The following ILKAP variants were observed in gnomAD, a reference collection of about 807,000 sequenced individuals.
ILKAP encodes ILK associated serine/threonine phosphatase.
In ILKAP, 11 loss-of-function variants were observed where a neutral mutation model predicts 49.1. The ratio of observed to expected loss-of-function variants is 0.22; its 90% confidence interval spans 0.14 to 0.37. ILKAP has a LOEUF of 0.37. Among genes scored for constraint, ILKAP ranks in the 10% least tolerant of loss-of-function variants. The pLI, the probability that ILKAP is intolerant of heterozygous loss-of-function variation, is 1.00. For synonymous variants in ILKAP, 186 were observed against 192.8 expected, an observed-to-expected ratio of 0.96 and a Z score of 0.29; for missense variants, 363 against 510.8, an observed-to-expected ratio of 0.71 and a Z score of 2.79.
rs1039695666 is a variant in ILKAP at position 238,192,779 on chromosome 2, C to T, written c.178+1496G>A. 1.1e-4 allele frequency among the ~76,000 whole-genome samples: 17 copies of T among 151,408 alleles called. 1 individual carries two copies. Among genetic ancestry groups the T allele is most frequent in the Non-Finnish European group, 1.5e-4 (10 of 67,962 alleles). Reference sequence around the variant, plus strand: ...CCTGTAATCTCAGCACTTTGGGAGGCTGAGGCGGACAGATCACAAGGTCAG... The same window carrying T: ...CCTGTAATCTCAGCACTTTGGGAGGTTGAGGCGGACAGATCACAAGGTCAG... On this transcript the variant is annotated intron_variant, in intron 3 of 11. Transcript: ENST00000254654.
At chr2:238,183,471 C>G (rs1030926830) in intron 8 of ILKAP, among the ~76,000 whole-genome samples, 182 bp downstream of exon 8, 16 of 152,192 alleles carry the variant, frequency 1.1e-4, no homozygotes, top group African/African-American at 3.6e-4. Flanking sequence ...AACAAACAGC[C>G]TCTAGCTGAG....
chr2:238,173,179 G>T (rs532124179), intron 10 of ILKAP, among the ~76,000 whole-genome samples: 1 of 152,080 alleles, frequency 6.6e-6, no homozygotes, highest in African/African-American at 2.4e-5. Context: ...TCCCTCAAGC[G>T]CCTGTCTGGC....
At chr2:238,190,653 A>G (rs966246465) in intron 3 of ILKAP, among the ~76,000 whole-genome samples, 7 of 152,188 alleles carry the variant, frequency 4.6e-5, no homozygotes, top group Admixed American at 6.5e-5. Context: ...ACAAGTAGGA[A>G]GAGCATTTGT....
At chr2:238,197,653 T>A (rs932664639) in intron 1 of ILKAP, among the ~76,000 whole-genome samples, 1 of 152,196 alleles carries the variant, frequency 6.6e-6, no homozygotes, top group Non-Finnish European at 1.5e-5. Flanking sequence ...CTCCTCTGGC[T>A]ACAATTCAGT....
In ILKAP at chr2:238,170,528, G is replaced by A. The variant is rs1026089980; in HGVS notation, c.*8C>T. 1.7e-5 allele frequency: 27 copies of A among 1,583,530 alleles called. No homozygotes were observed. The highest frequency in any genetic ancestry group is 1.9e-5 in the Non-Finnish European group (22 of 1,159,782). On this transcript the variant is annotated 3_prime_UTR_variant, in exon 12 of 12. Transcript: ENST00000254654. ...ATACCATGCGTGCTCCTGGCCGCGCGCCACCCCTCAGTGCCCTATCCGCAC... is the reference window on the plus strand; with the variant it reads ...ATACCATGCGTGCTCCTGGCCGCGCACCACCCCTCAGTGCCCTATCCGCAC...
At chr2:238,190,859 T>C (rs1334856567) in intron 3 of ILKAP, among the ~76,000 whole-genome samples, 1 of 112,244 alleles carries the variant, frequency 8.9e-6, no homozygotes, top group Non-Finnish European at 1.7e-5. Context: ...CTGGGCAAAG[T>C]AGTAAGACGT....
intron 10 of ILKAP, 133 bp downstream of exon 10, chr2:238,173,401 G>A: frequency 1.7e-6 from 2 of 1,189,514 alleles, no homozygotes; most frequent in Admixed American, 2.5e-5. Context: ...ACCACATTTT[G>A]TTTATCTCTG....
At chr2:238,170,919 C>T (rs1199204927) in intron 11 of ILKAP, 24 bp downstream of exon 11, 8 of 1,601,694 alleles carry the variant, frequency 5.0e-6, no homozygotes, top group South Asian at 1.1e-5. Context: ...GGGACAACCA[C>T]CACCCCCGTG....
Position 238,170,643 on chromosome 2 carries a change from C to T in ILKAP, c.1072G>A (p.Ala358Thr), listed in dbSNP as rs753364697. Residue 358 changes from alanine to threonine, a missense_variant, in exon 12 of 12, where the codon GCA becomes ACA. Around this residue, in one of 3 missense-constraint regions of ILKAP, gnomAD observed 83 missense variants for 87.5 expected, o/e 0.95. Coordinates refer to ENST00000254654, the MANE Select transcript of ILKAP (RefSeq NM_030768.3). Reference sequence around the variant, plus strand: ...GCTGCTTCGTAGCGGGCGTCGGCTGCGGACTTCCCTTCCCGGGTCTGGATC... The same window carrying T: ...GCTGCTTCGTAGCGGGCGTCGGCTGTGGACTTCCCTTCCCGGGTCTGGATC... Reference protein sequence around the residue: ...EKIQTREGKSAADARYEAACN... With the variant: ...EKIQTREGKSTADARYEAACN... The T allele has an allele frequency of 1.1e-5, 17 of 1,599,750 alleles. No individual in the cohort carries two copies. The highest frequency in any genetic ancestry group is 6.7e-5 in the East Asian group (3 of 44,526).
At chr2:238,190,350 C>T (rs1422825424) in intron 3 of ILKAP, among the ~76,000 whole-genome samples, 1 of 152,108 alleles carries the variant, frequency 6.6e-6, no homozygotes, top group Non-Finnish European at 1.5e-5. Flanking sequence ...ATCCTAATCA[C>T]GTTCCAAAAA....
intron 3 of ILKAP, among the ~76,000 whole-genome samples, chr2:238,193,831 G>A (rs562069175): frequency 7.9e-5 from 12 of 152,202 alleles, no homozygotes; most frequent in African/African-American, 2.2e-4. Flanking sequence ...TACCTTTGCC[G>A]CAATGGCAAC....
chr2:238,189,698 AGAAACTTG>A, intron 4 of ILKAP, 147 bp downstream of exon 4: 1 of 590,408 alleles, frequency 1.7e-6, no homozygotes, highest in Non-Finnish European at 2.9e-6. Flanking sequence ...GAAAGCACAG[AGAAACTTG>A]GAAATTCATT....
In ILKAP at chr2:238,188,115, A is replaced by G. The variant is rs1178214086; in HGVS notation, c.425+16T>C. On this transcript the variant is annotated intron_variant, in intron 5 of 11. Coordinates refer to ENST00000254654, the MANE Select transcript of ILKAP (RefSeq NM_030768.3). ...GATGTTAATGCCAGCCGGGCTTCCTACCACATGAGACTCACATGAGGGACG... is the reference window on the plus strand; with the variant it reads ...GATGTTAATGCCAGCCGGGCTTCCTGCCACATGAGACTCACATGAGGGACG... 3 of 1,613,008 alleles carry G rather than the reference A, an allele frequency of 1.9e-6. No individual in the cohort carries two copies. Among genetic ancestry groups the G allele is most frequent in the African/African-American group, 2.7e-5 (2 of 74,858 alleles).
intron 3 of ILKAP, among the ~76,000 whole-genome samples, chr2:238,191,925 G>C (rs932757213): frequency 1.4e-5 from 2 of 147,486 alleles, no homozygotes; most frequent in African/African-American, 5.0e-5. Flanking sequence ...AAAAGAAAAA[G>C]AAAAAGGCCA....
chr2:238,193,427 G>C (rs1005314869), intron 3 of ILKAP, among the ~76,000 whole-genome samples: 4 of 152,184 alleles, frequency 2.6e-5, no homozygotes, highest in Admixed American at 6.5e-5. Context: ...CGCCATGTTG[G>C]CCAGGCTGGT....
At chr2:238,194,998 T>A (rs890600377) in intron 1 of ILKAP, 128 bp from the exon 2 acceptor site, 7 of 693,006 alleles carry the variant, frequency 1.0e-5, no homozygotes, top group Admixed American at 2.7e-5. Context: ...TTCTCCTTCC[T>A]GTTGGGCAAA....
intron 1 of ILKAP, among the ~76,000 whole-genome samples, chr2:238,196,881 T>C (rs188584428): frequency 6.0e-4 from 92 of 152,338 alleles, no homozygotes; most frequent in African/African-American, 1.5e-3. Context: ...ATTAGAAGTA[T>C]ACAAGAAGCA....
chr2:238,171,930 T>C (rs4663294), intron 10 of ILKAP, among the ~76,000 whole-genome samples: 125,077 of 152,182 alleles, frequency 0.82, 51,565 homozygotes, highest in East Asian at 0.98. Context: ...AGTTCTAGTT[T>C]TCCTGGCATT....
intron 1 of ILKAP, among the ~76,000 whole-genome samples, chr2:238,196,045 A>C (rs1360748866): frequency 9.5e-6 from 1 of 105,626 alleles, no homozygotes. Context: ...CTCTGTCACA[A>C]AAAAAAAAAA....
Sources: allele counts gnomAD v4.1 joint callset (sites outside exome capture counted in the v4.1 genomes callset), GRCh38; gene constraint gnomAD v4.1.1; regional missense constraint gnomAD v4.1.1; transcripts MANE v1.5; gene names NCBI Gene and HGNC (gene_info 2026-07-23, HGNC 2026-07-21).